The following RBMS3 variants were observed in gnomAD, a reference collection of about 807,000 sequenced individuals.
RBMS3 encodes the protein RNA binding motif single stranded interacting protein 3.
A neutral mutation model predicts 66.8 loss-of-function variants in RBMS3; 27 were observed. That is an observed-to-expected ratio of 0.40 (90% CI 0.30 to 0.56). The LOEUF (loss-of-function observed/expected upper bound fraction) is 0.56, where lower values mean the gene tolerates loss of function less well. Ranked by LOEUF, RBMS3 falls within the 20% of genes least tolerant of loss-of-function variation. The pLI, the probability that RBMS3 is intolerant of heterozygous loss-of-function variation, is 0.40. For missense variants in RBMS3, 513 were observed against 549.5 expected (o/e 0.93, Z 0.66); for synonymous variants, 188 against 183.0 (o/e 1.03, Z -0.22).
chr3:29,909,101 G>A (rs929902521), intron 10 of RBMS3, among the ~76,000 whole-genome samples: 8 of 152,000 alleles, frequency 5.3e-5, no homozygotes, highest in Non-Finnish European at 8.8e-5. Context: ...AGGGGACTAC[G>A]GGGGGAGCAA....
chr3:29,885,448 A>G lies in RBMS3; in HGVS notation c.791+1240A>G, dbSNP rs75446611. ...GAATTATATTACGTAGTTGGAGATA[A>G]ATAATTAACTCACAAAGGAAAAAAT... On this transcript the variant is annotated intron_variant, in intron 8 of 14. Transcript: ENST00000383767. Among the ~76,000 whole-genome samples, 573 of 152,036 alleles carry G rather than the reference A, an allele frequency of 3.8e-3. 8 individuals are homozygous for G. In the East Asian group the frequency reaches 0.051, roughly 14 times the overall value.
intron 6 of RBMS3, among the ~76,000 whole-genome samples, chr3:29,847,308 T>C (rs1465510442): frequency 6.6e-6 from 1 of 152,230 alleles, no homozygotes; most frequent in Non-Finnish European, 1.5e-5. Context: ...TACATATAAC[T>C]TCTGCAAGGA....
At chr3:29,850,018 G>A (rs908525069) in intron 6 of RBMS3, among the ~76,000 whole-genome samples, 1 of 152,158 alleles carries the variant, frequency 6.6e-6, no homozygotes, top group East Asian at 1.9e-4. Flanking sequence ...AAGATACGAG[G>A]TAGGCAGACG....
intron 4 of RBMS3, among the ~76,000 whole-genome samples, chr3:29,639,443 A>G (rs1420742853): frequency 6.6e-6 from 1 of 151,852 alleles, no homozygotes; most frequent in Non-Finnish European, 1.5e-5. Flanking sequence ...AACTTTGGAA[A>G]CATCACACTA....
At chr3:29,553,449 C>T (rs2046242114) in intron 3 of RBMS3, among the ~76,000 whole-genome samples, 1 of 152,110 alleles carries the variant, frequency 6.6e-6, no homozygotes, top group South Asian at 2.1e-4. Flanking sequence ...CCAGTTTAGA[C>T]AGAGGGGATC....
At chr3:29,612,474 T>C (rs1313227103) in intron 4 of RBMS3, among the ~76,000 whole-genome samples, 1 of 152,092 alleles carries the variant, frequency 6.6e-6, no homozygotes, top group Non-Finnish European at 1.5e-5. Context: ...TCTTTGTTTG[T>C]ACATGACTGT....
At chr3:29,318,872 G>A (rs981261234) in intron 1 of RBMS3, among the ~76,000 whole-genome samples, 20 of 151,872 alleles carry the variant, frequency 1.3e-4, no homozygotes, top group South Asian at 6.2e-4. Flanking sequence ...AGGATACTAG[G>A]GGGGCATAAA....
intron 4 of RBMS3, among the ~76,000 whole-genome samples, chr3:29,660,017 T>A (rs1034368368): frequency 6.6e-6 from 1 of 152,206 alleles, no homozygotes; most frequent in Admixed American, 6.5e-5. Context: ...TAATGTTTTA[T>A]CGTTTTTATT....
chr3:29,330,317 T>A (rs1339457080), intron 1 of RBMS3, among the ~76,000 whole-genome samples: 1 of 152,192 alleles, frequency 6.6e-6, no homozygotes, highest in Non-Finnish European at 1.5e-5. Flanking sequence ...AGCAGTATGT[T>A]TGTAATTCCA....
intron 6 of RBMS3, among the ~76,000 whole-genome samples, chr3:29,851,734 A>G (rs542198330): frequency 8.2e-4 from 125 of 152,298 alleles, no homozygotes; most frequent in African/African-American, 2.9e-3. Flanking sequence ...CTGTTCTAAT[A>G]TTTTGAAAAA....
In RBMS3 at chr3:29,988,126, T is replaced by C; in HGVS notation, c.1099-17T>C. ...GCAGCTCAAAGTTCACATGCATTTTTCTTTGATTCTCTCTAGTATATGACT... is the reference window on the plus strand; with the variant it reads ...GCAGCTCAAAGTTCACATGCATTTTCCTTTGATTCTCTCTAGTATATGACT... On this transcript the variant is annotated splice_polypyrimidine_tract_variant and intron_variant, in intron 12 of 14. Transcript: ENST00000383767. 1.3e-6 allele frequency: 2 copies of C among 1,589,384 alleles called. No individual in the cohort carries two copies. The highest frequency in any genetic ancestry group is 1.7e-6 in the Non-Finnish European group (2 of 1,157,872).
chr3:29,411,018 A>T (rs2040245910), intron 1 of RBMS3, among the ~76,000 whole-genome samples: 1 of 152,260 alleles, frequency 6.6e-6, no homozygotes, highest in South Asian at 2.1e-4. Flanking sequence ...GGAAAAGGAA[A>T]TTCAACCACT....
rs559808090 is a variant in RBMS3, at chr3:29,610,733, C to T, written c.399+23528C>T. Among the ~76,000 whole-genome samples, 8 of 152,182 alleles carry T rather than the reference C, an allele frequency of 5.3e-5. No homozygotes were observed. The South Asian group carries it at 1.2e-3, about 24-fold the overall frequency. ...TCTTATTTAATTCCTAGAAAACACT[C>T]GCTGGTCTCATTCTTGCTGACCCCA... is the stretch of plus-strand genomic sequence containing the variant. On this transcript the variant is annotated intron_variant, in intron 4 of 14. Transcript: ENST00000383767.
intron 2 of RBMS3, among the ~76,000 whole-genome samples, chr3:29,476,818 C>T (rs1256815639): frequency 6.6e-6 from 1 of 151,912 alleles, no homozygotes; most frequent in Non-Finnish European, 1.5e-5. Flanking sequence ...TGTATTTTGC[C>T]TTTTGTGGGT....
At chr3:29,623,147 G>T (rs1233367789) in intron 4 of RBMS3, among the ~76,000 whole-genome samples, 1 of 110,292 alleles carries the variant, frequency 9.1e-6, no homozygotes, top group Non-Finnish European at 1.8e-5. Context: ...GTTTCTGTGA[G>T]AATTAAAGGG....
intron 1 of RBMS3, among the ~76,000 whole-genome samples, chr3:29,292,653 G>A (rs1032929804): frequency 6.6e-5 from 10 of 151,714 alleles, no homozygotes; most frequent in Non-Finnish European, 1.3e-4. Context: ...TGATGAGGCT[G>A]TCAATAGCAG....
intron 4 of RBMS3, chr3:29,616,512 A>AAAT (rs1417884172): frequency 6.3e-6 from 1 of 157,544 alleles, no homozygotes; most frequent in Admixed American, 6.4e-5. Context: ...AACAAACAAA[A>AAAT]ATTACAAATC....
chr3:29,303,196 A>G (rs1226046699), intron 1 of RBMS3, among the ~76,000 whole-genome samples: 1 of 152,062 alleles, frequency 6.6e-6, no homozygotes, highest in Admixed American at 6.6e-5. Context: ...AGAATTTTAT[A>G]AAACTGAAAG....
At chr3:29,759,794 C>T (rs1267065375) in intron 5 of RBMS3, among the ~76,000 whole-genome samples, 1 of 152,054 alleles carries the variant, frequency 6.6e-6, no homozygotes, top group Non-Finnish European at 1.5e-5. Flanking sequence ...TGAGCCTTTT[C>T]CCCTTGGCAG....
Sources: allele counts gnomAD v4.1 joint callset (sites outside exome capture counted in the v4.1 genomes callset), GRCh38; gene constraint gnomAD v4.1.1; transcripts MANE v1.5; gene names NCBI Gene and HGNC (gene_info 2026-07-23, HGNC 2026-07-21).